Variants in MINK1 observed in about 807,000 individuals in gnomAD.
The protein encoded by MINK1 is misshapen like kinase 1, also known as misshapen-like kinase 1.
Under a neutral mutation model 178.4 loss-of-function variants are expected in MINK1, and 46 were observed. The ratio of observed to expected loss-of-function variants is 0.26; its 90% CI spans 0.20 to 0.33. The LOEUF is 0.33. Ranked by LOEUF, MINK1 falls within the 10% of genes least tolerant of loss-of-function variation. The pLI, the probability that MINK1 is intolerant of heterozygous loss-of-function variation, is 1.00. For missense variants in MINK1, 1,366 were observed against 1,814.9 expected, an observed-to-expected ratio of 0.75 and a Z score of 4.49; for synonymous variants, 797 against 709.7, an observed-to-expected ratio of 1.12 and a Z score of -1.96.
At position 4,894,592 on chromosome 17, in the gene MINK1, T is replaced by C. The variant is rs767193301; in HGVS notation, c.2876T>C (p.Ile959Thr). 1.2e-6 allele frequency: 2 copies of C among 1,609,242 alleles called. No homozygotes were observed. Among genetic ancestry groups the C allele is most frequent in the Admixed American group, 1.7e-5 (1 of 59,368 alleles). The change falls in exon 24 of 32, where the codon ATC becomes ACC. Residue 959 changes from isoleucine (I) to threonine (T), a missense_variant. By Grantham distance (89) the Ile-to-Thr change is moderately conservative. Around this residue, in one of 14 missense-constraint regions of MINK1, gnomAD observed 709 missense variants for 692.3 expected, o/e 1.02. Coordinates refer to ENST00000355280, the MANE Select transcript of MINK1 (RefSeq NM_153827.5). This position sits in a 1 kb window ranked among gnomAD's most constrained non-coding sequence, Gnocchi z 4.1. Reference protein sequence around the residue: ...SSFTMFVDLGIYQPGGSGDSI... With the variant: ...SSFTMFVDLGTYQPGGSGDSI... ...TTCACGATGTTTGTGGATCTAGGGA[T>C]CTACCAGCCTGGAGGCAGTGGGGAC...
At chr17:4,856,779 G>A (rs1424121860) in intron 1 of MINK1, 2 of 154,580 alleles carry the variant, frequency 1.3e-5, no homozygotes, top group Admixed American at 6.5e-5. Context: ...AGCATGGGGC[G>A]GGAGGGGGCA....
At chr17:4,855,005 G>C (rs1292709096) in intron 1 of MINK1, among the ~76,000 whole-genome samples, 1 of 152,068 alleles carries the variant, frequency 6.6e-6, no homozygotes, top group Non-Finnish European at 1.5e-5. Flanking sequence ...TCAGCAATTC[G>C]AGACCAGCCT....
rs1046569684 is a variant in MINK1, at chr17:4,884,907, C to T, written c.418-5C>T. On this transcript the variant is annotated splice_region_variant and splice_polypyrimidine_tract_variant and intron_variant, in intron 5 of 31. Coordinates refer to ENST00000355280, the MANE Select transcript of MINK1 (RefSeq NM_153827.5). Reference sequence around the variant, plus strand: ...TGGCTAATTTTCCCTGCTCTCCTGTCCCAGGGTCTGGCCCATCTCCATGCC... The same window carrying T: ...TGGCTAATTTTCCCTGCTCTCCTGTTCCAGGGTCTGGCCCATCTCCATGCC... The T allele has an allele frequency of 2.5e-6, 4 of 1,613,556 alleles. No homozygotes were observed. Among genetic ancestry groups the T allele is most frequent in the Non-Finnish European group, 2.5e-6 (3 of 1,179,634 alleles).
intron 1 of MINK1, among the ~76,000 whole-genome samples, chr17:4,871,872 G>A (rs1469828008): frequency 1.3e-5 from 2 of 152,158 alleles, no homozygotes; most frequent in African/African-American, 4.8e-5. Context: ...GTAGGGAGGT[G>A]ATCTCACTCT....
At chr17:4,883,327 C>G (rs1165613065) in intron 4 of MINK1, 1 of 150,762 alleles carries the variant, frequency 6.6e-6, no homozygotes, top group Non-Finnish European at 1.5e-5. Context: ...GTGTCAGCAT[C>G]CTGAGTAGCT....
In MINK1 at chr17:4,890,382, C is replaced by T. The variant is rs563486475; in HGVS notation, c.1348-135C>T. On this transcript the variant is annotated intron_variant, in intron 13 of 31. Coordinates refer to ENST00000355280, the MANE Select transcript of MINK1 (RefSeq NM_153827.5). ...TTGCTGGAACGGGATGGGAACACTT[C>T]AAGGGAAGGGATTCACCCAGGACAT... 6.9e-6 allele frequency: 10 copies of T among 1,451,726 alleles called. No individual in the cohort carries two copies. In the South Asian group the frequency reaches 1.2e-4, roughly 17 times the overall value. 89.9% of individuals were successfully genotyped at this position (1,451,726 alleles called of 1,614,324 possible). A position where few individuals can be genotyped will look rare whatever the true frequency, so the allele number is the denominator to read the frequency against.
At position 4,887,224 on chromosome 17, in the gene MINK1, G is replaced by C. The variant is rs1323217004; in HGVS notation, c.1019+45G>C. ...TGGGGGTTGGGGCGGTCATCGCTGA[G>C]TGGGGGGACTACAGTGGTGCTTGGC... On this transcript the variant is annotated intron_variant, in intron 11 of 31. Transcript: ENST00000355280. This position sits in a 1 kb window ranked among gnomAD's most constrained non-coding sequence, Gnocchi z 7.6. The C allele has an allele frequency of 1.3e-6, 2 of 1,540,534 alleles. No individual in the cohort carries two copies. The highest frequency in any genetic ancestry group is 1.8e-6 in the Non-Finnish European group (2 of 1,133,016).
chr17:4,844,573 C>T (rs750757781), intron 1 of MINK1: 1 of 512,750 alleles, frequency 2.0e-6, no homozygotes, highest in South Asian at 1.4e-5. Flanking sequence ...TGAGTGACCT[C>T]AGCCTGAGCT....
rs1265098191 is a variant in MINK1, at chr17:4,836,533, C to T, written c.57+2893C>T. ...CTTACAATGTAACCCTGGCCCTGCT[C>T]CCCTTACTGCAGATTCTGCCAAGAG... On this transcript the variant is annotated intron_variant, in intron 1 of 31. Transcript: ENST00000355280. This position sits in a 1 kb window ranked among gnomAD's most constrained non-coding sequence, Gnocchi z 4.3. Among the ~76,000 whole-genome samples the T allele has an allele frequency of 6.6e-6, 1 of 152,158 alleles. No individual in the cohort carries two copies. The highest frequency in any genetic ancestry group is 6.5e-5 in the Admixed American group (1 of 15,278).
intron 13 of MINK1, chr17:4,890,047 G>C: frequency 2.1e-6 from 1 of 486,280 alleles, no homozygotes. Flanking sequence ...CATCTGTGCC[G>C]CATGGCCCCC....
intron 1 of MINK1, among the ~76,000 whole-genome samples, chr17:4,862,333 C>T (rs904649022): frequency 1.3e-5 from 2 of 152,168 alleles, no homozygotes; most frequent in Non-Finnish European, 2.9e-5. Flanking sequence ...ATAATATCTA[C>T]CTCATGGAGT....
At chr17:4,839,160 G>A (rs1008183626) in intron 1 of MINK1, among the ~76,000 whole-genome samples, 5 of 152,090 alleles carry the variant, frequency 3.3e-5, no homozygotes, top group African/African-American at 1.2e-4. Flanking sequence ...AGCCAGGATG[G>A]TCTTGATCTC....
chr17:4,869,821 G>GTTTATTTATTTA (rs58447598), intron 1 of MINK1, among the ~76,000 whole-genome samples: 421 of 139,298 alleles, frequency 3.0e-3, no homozygotes, highest in Admixed American at 6.3e-3. Flanking sequence ...TATTTTATTT[G>GTTTATTTATTTA]TTTATTTATT....
At chr17:4,891,194 ACG>A (rs749244980) in intron 15 of MINK1, 70 bp downstream of exon 15, 11 of 1,068,430 alleles carry the variant, frequency 1.0e-5, no homozygotes, top group African/African-American at 3.4e-5. Flanking sequence ...GTACACACAC[ACG>A]CGCGCACACA....
intron 1 of MINK1, among the ~76,000 whole-genome samples, chr17:4,840,995 G>A (rs764093242): frequency 2.6e-5 from 4 of 152,094 alleles, no homozygotes; most frequent in African/African-American, 4.8e-5. Context: ...CCTAAGAAAC[G>A]TGGTGATAGT....
At chr17:4,863,139 C>T (rs1914434907) in intron 1 of MINK1, among the ~76,000 whole-genome samples, 1 of 152,158 alleles carries the variant, frequency 6.6e-6, no homozygotes, top group South Asian at 2.1e-4. Flanking sequence ...GAATGGCAGC[C>T]CAGACAGTTC....
At position 4,895,480 on chromosome 17, in the gene MINK1, C is replaced by T. The variant is rs1969350600; in HGVS notation, c.3216C>T (p.Leu1072=). Residue 1072 remains leucine (L), a synonymous_variant, in exon 26 of 32, where the codon CTC becomes CTT. Coordinates refer to ENST00000355280, the MANE Select transcript of MINK1 (RefSeq NM_153827.5). The surrounding 1 kb of genome is among the most constrained non-coding windows in gnomAD (Gnocchi z 4.3). Reference sequence around the variant, plus strand: ...ATGTGCTGGAGGGGCTCAACCTGCTCATCACCATCTCAGGTACAGGTGTGG... The same window carrying T: ...ATGTGCTGGAGGGGCTCAACCTGCTTATCACCATCTCAGGTACAGGTGTGG... ...QMDVLEGLNL[L]ITISGKRNKL... 4 of 1,585,852 alleles carry T rather than the reference C, an allele frequency of 2.5e-6. No individual in the cohort carries two copies. The highest frequency in any genetic ancestry group is 2.6e-6 in the Non-Finnish European group (3 of 1,164,168).
Position 4,887,660 on chromosome 17 carries a change from A to G in MINK1, c.1100A>G (p.Glu367Gly), listed in dbSNP as rs1014975573. Reference sequence around the variant, plus strand: ...CAGCAGGAAAATAAGAGCAACTCAGAGGCTTTAAAACAGCAGCAGCAGCTG... The same window carrying G: ...CAGCAGGAAAATAAGAGCAACTCAGGGGCTTTAAAACAGCAGCAGCAGCTG... ...RLQQENKSNS[E>G]ALKQQQQLQQ... Residue 367 changes from glutamate (E) to glycine (G), a missense_variant, in exon 12 of 32, where the codon GAG (glutamate) becomes GGG (glycine). This residue lies in a region of MINK1 where 56 missense variants were observed against 64.0 expected (regional missense o/e 0.87). Coordinates refer to ENST00000355280, the MANE Select transcript of MINK1 (RefSeq NM_153827.5). This position sits in a 1 kb window ranked among gnomAD's most constrained non-coding sequence, Gnocchi z 7.6. 2.6e-6 allele frequency: 4 copies of G among 1,567,422 alleles called. No homozygotes were observed. The highest frequency in any genetic ancestry group is 3.5e-6 in the Non-Finnish European group (4 of 1,157,892).
In MINK1 at chr17:4,891,200, GCACA is replaced by G. The variant is rs3081308; in HGVS notation, c.1740+98_1740+101del. On this transcript the variant is annotated intron_variant, in intron 15 of 31. Transcript: ENST00000355280. The stretch of plus-strand genomic sequence containing the variant: ...AGAGCACAGGTACACACACACGCGC[GCACA>G]CACACACACACACACACACACCTGC... 2,758 of 997,822 alleles carry G rather than the reference GCACA, an allele frequency of 2.8e-3. 22 individuals are homozygous for G. The highest frequency in any genetic ancestry group is 0.021 in the African/African-American group (1,186 of 57,744). 61.8% of individuals were successfully genotyped at this position (997,822 alleles called of 1,614,324 possible).
Sources: gnomAD v4.1 joint callset for allele counts (sites outside exome capture counted in the v4.1 genomes callset) on GRCh38, gnomAD v4.1.1 for gene constraint, gnomAD v4.1.1 regional missense constraint, Gnocchi (gnomAD v3.1) non-coding constraint, MANE v1.5 for transcripts, NCBI Gene and HGNC (gene_info 2026-07-23, HGNC 2026-07-21) for gene names.